CLCN4: variants seen among roughly 807,000 people sequenced by gnomAD.
CLCN4 encodes the protein Cl-/H+ antiporter 4.
In CLCN4, 1 loss-of-function variant was observed where a neutral mutation model predicts 41.7. That is an observed-to-expected ratio of 0.02 (90% CI 0.01 to 0.11). The LOEUF is 0.11. CLCN4 is among the 10% of genes least tolerant of loss of function. The pLI, the probability that CLCN4 is intolerant of heterozygous loss-of-function variation, is 1.00. For missense variants in CLCN4, 287 were observed against 661.0 expected, an observed-to-expected ratio of 0.43 and a Z score of 6.20; for synonymous variants, 277 against 285.8, an observed-to-expected ratio of 0.97 and a Z score of 0.31.
intron 2 of CLCN4, among the ~76,000 whole-genome samples, chrX:10,166,039 A>C (rs181257773): frequency 1.2e-3 from 139 of 112,174 alleles, no homozygotes; most frequent in African/African-American, 4.3e-3. Context: ...GATAAGCAGA[A>C]AATAGGTTGT....
intron 2 of CLCN4, among the ~76,000 whole-genome samples, chrX:10,171,478 G>A (rs186781852): frequency 1.8e-5 from 2 of 111,338 alleles, no homozygotes; most frequent in Non-Finnish European, 3.8e-5. Flanking sequence ...GGAGGGGAGT[G>A]GGGAAGTGAG....
chrX:10,183,403 G>A (rs1457405901), intron 2 of CLCN4, among the ~76,000 whole-genome samples: 4 of 111,911 alleles, frequency 3.6e-5, no homozygotes, highest in Non-Finnish European at 7.5e-5. Context: ...TCATTGGGTC[G>A]TGGTTGAGTC....
At chrX:10,170,831 C>A (rs1238072465) in intron 2 of CLCN4, among the ~76,000 whole-genome samples, 3 of 112,591 alleles carry the variant, frequency 2.7e-5, no homozygotes, top group Non-Finnish European at 5.6e-5. Flanking sequence ...ACAGCTTGGA[C>A]CCTTTTGTTA....
chrX:10,199,770 C>CT (rs1924190558), intron 6 of CLCN4, among the ~76,000 whole-genome samples: 1 of 105,491 alleles, frequency 9.5e-6, no homozygotes, highest in Non-Finnish European at 2.0e-5. Context: ...TCTTTTTTTT[C>CT]TTTTTTGAGA....
In CLCN4 at chrX:10,235,814, A is replaced by G. The variant is rs1360267722; in HGVS notation, c.*2230A>G. ...ATCAAGTAGCCACCTCAGTGTGACA[A>G]TATCCAGTCAATAGTAGAGAATTTA... is the stretch of plus-strand genomic sequence containing the variant. On this transcript the variant is annotated 3_prime_UTR_variant, in exon 13 of 13. Transcript: ENST00000380833. 8.9e-6 allele frequency: 1 copy of G among 112,669 alleles called. No homozygotes were observed. Among genetic ancestry groups the G allele is most frequent in the Non-Finnish European group, 1.9e-5 (1 of 53,376 alleles). The allele number at this position is 112,669 out of a possible 1,213,427, so 9.3% of individuals were successfully genotyped here. A position where few individuals can be genotyped will look rare whatever the true frequency, so the allele number is the denominator to read the frequency against.
chrX:10,206,313 G>C (rs1334194218), intron 6 of CLCN4, 45 bp from the exon 7 acceptor site: 2 of 1,002,749 alleles, frequency 2.0e-6, no homozygotes, highest in South Asian at 3.9e-5. Flanking sequence ...CCTAGCCATG[G>C]ATTGAAGGAG....
Position 10,235,195 on chromosome X carries a change from G to A in CLCN4, c.*1611G>A. On this transcript the variant is annotated 3_prime_UTR_variant, in exon 13 of 13. Coordinates refer to ENST00000380833, the MANE Select transcript of CLCN4 (RefSeq NM_001830.4). ...CTTATTGCCTCAGAGTTGCAAGATG[G>A]TTCCTGAACTGTCAGGTATCATGTC... 2 of 112,173 alleles carry A rather than the reference G, an allele frequency of 1.8e-5. No homozygotes were observed. The highest frequency in any genetic ancestry group is 4.6e-3 in the Middle Eastern group (1 of 218). 9.2% of individuals were successfully genotyped at this position (112,173 alleles called of 1,213,427 possible). A position where few individuals can be genotyped will look rare whatever the true frequency, so the allele number is the denominator to read the frequency against.
chrX:10,212,159 C>G (rs767568032), intron 9 of CLCN4, among the ~76,000 whole-genome samples: 1 of 112,593 alleles, frequency 8.9e-6, no homozygotes, highest in East Asian at 2.8e-4. Context: ...CAGATGCTCA[C>G]TTTGAATGTT....
intron 3 of CLCN4, among the ~76,000 whole-genome samples, 172 bp from the exon 4 acceptor site, chrX:10,187,343 G>C (rs2073939): frequency 1.8e-5 from 2 of 111,248 alleles, no homozygotes; most frequent in Admixed American, 9.5e-5. Flanking sequence ...TAGAAAGCTC[G>C]TCGTACCGTT....
rs758852945 is a variant in CLCN4, at chrX:10,213,958, T to A, written c.1854T>A (p.Thr618=). Reference sequence around the variant, plus strand: ...CGGTGCTCACCCAGGACAGCATGACTGTCGAGGACGTGGAGACGCTCATCA... The same window carrying A: ...CGGTGCTCACCCAGGACAGCATGACAGTCGAGGACGTGGAGACGCTCATCA... ...PLSVLTQDSM[T]VEDVETLIKE... Residue 618 remains threonine (T), a synonymous_variant, in exon 11 of 13, where the codon ACT becomes ACA. Coordinates refer to ENST00000380833, the MANE Select transcript of CLCN4 (RefSeq NM_001830.4). The A allele has an allele frequency of 8.3e-7, 1 of 1,212,032 alleles. No individual in the cohort carries two copies. The highest frequency in any genetic ancestry group is 2.2e-5 in the Admixed American group (1 of 46,133).
At chrX:10,174,071 AGCATCC>A (rs1438409137) in intron 2 of CLCN4, among the ~76,000 whole-genome samples, 1 of 112,233 alleles carries the variant, frequency 8.9e-6, no homozygotes, top group Non-Finnish European at 1.9e-5. Flanking sequence ...GGCATTGTCA[AGCATCC>A]CCTGGGGGCA....
In CLCN4 at chrX:10,208,071, C is replaced by A; in HGVS notation, c.870C>A (p.Thr290=). ...EEVSYYFPLK[T]LWRSFFAALV... The stretch of plus-strand genomic sequence containing the variant: ...TCAGTTACTACTTTCCCCTGAAGAC[C>A]TTGTGGAGGTCATTTTTCGCAGCCC... The change falls in exon 9 of 13, where the codon ACC becomes ACA. Residue 290 remains threonine (T), a synonymous_variant. Coordinates refer to ENST00000380833, the MANE Select transcript of CLCN4 (RefSeq NM_001830.4). 8.3e-7 allele frequency: 1 copy of A among 1,210,783 alleles called. No individual in the cohort carries two copies. The highest frequency in any genetic ancestry group is 1.1e-6 in the Non-Finnish European group (1 of 894,691).
At chrX:10,166,442 TA>T (rs1438914165) in intron 2 of CLCN4, among the ~76,000 whole-genome samples, 3 of 111,404 alleles carry the variant, frequency 2.7e-5, no homozygotes, top group African/African-American at 9.8e-5. Flanking sequence ...GGCCTTTAAT[TA>T]AGCTATTCTC....
intron 4 of CLCN4, 139 bp from the exon 5 acceptor site, chrX:10,194,772 C>G: frequency 1.9e-6 from 1 of 528,489 alleles, no homozygotes; most frequent in Non-Finnish European, 3.2e-6. Context: ...ATGTAAGTGA[C>G]AGCCCCATTG....
At chrX:10,180,137 A>T (rs1457644128) in intron 2 of CLCN4, among the ~76,000 whole-genome samples, 2 of 112,386 alleles carry the variant, frequency 1.8e-5, no homozygotes, top group African/African-American at 6.5e-5. Context: ...GGGCATGATG[A>T]TGGGTAATCC....
rs754195326 is a variant in CLCN4, at chrX:10,213,718, C to A, written c.1614C>A (p.Ile538=). Residue 538 remains isoleucine, a synonymous_variant, in exon 11 of 13, where the codon ATC becomes ATA. Transcript: ENST00000380833. ...VTRMTVSLVV[I]MFELTGGLEY... ...GGATGACGGTGTCATTGGTGGTCAT[C>A]ATGTTTGAATTAACCGGGGGTCTGG... 1 of 1,210,282 alleles carries A rather than the reference C, an allele frequency of 8.3e-7. No homozygotes were observed. The highest frequency in any genetic ancestry group is 1.8e-5 in the South Asian group (1 of 56,842).
chrX:10,193,513 A>G (rs964146206), intron 4 of CLCN4, among the ~76,000 whole-genome samples: 1 of 111,533 alleles, frequency 9.0e-6, no homozygotes, highest in African/African-American at 3.3e-5. Flanking sequence ...GAGAGTGAGG[A>G]GGAAAGCAGG....
chrX:10,183,972 T>C (rs1279473667), intron 2 of CLCN4, among the ~76,000 whole-genome samples: 3 of 111,867 alleles, frequency 2.7e-5, no homozygotes, highest in Admixed American at 1.9e-4. Flanking sequence ...AGCTCCAGGG[T>C]GGCCCCACTC....
chrX:10,158,663 A>C, intron 2 of CLCN4, 112 bp downstream of exon 2: 1 of 236,340 alleles, frequency 4.2e-6, no homozygotes, highest in East Asian at 6.7e-5. Flanking sequence ...CAGAAACCCA[A>C]AGTGGGGCCT....
Sources: gnomAD v4.1 joint callset for allele counts (sites outside exome capture counted in the v4.1 genomes callset) on GRCh38, gnomAD v4.1.1 for gene constraint, MANE v1.5 for transcripts, NCBI Gene and HGNC (gene_info 2026-07-23, HGNC 2026-07-21) for gene names.